RAPGEF4: variants seen among roughly 807,000 people sequenced by gnomAD.
The protein encoded by RAPGEF4 is Rap guanine nucleotide exchange factor 4.
RAPGEF4 carries 66 observed loss-of-function variants against 147.9 expected under a neutral mutation model. The ratio of observed to expected loss-of-function variants is 0.45; its 90% CI spans 0.37 to 0.55. RAPGEF4 has a LOEUF of 0.55. RAPGEF4 is among the 20% of genes least tolerant of loss of function. The pLI, the probability that RAPGEF4 is intolerant of heterozygous loss-of-function variation, is 0.00. For synonymous variants in RAPGEF4, 419 were observed against 442.7 expected (o/e 0.95, Z 0.67); for missense variants, 1,071 against 1,257.3 (o/e 0.85, Z 2.24).
chr2:172,749,316 C>G (rs1331711346), intron 1 of RAPGEF4, among the ~76,000 whole-genome samples: 2 of 152,244 alleles, frequency 1.3e-5, no homozygotes, highest in Non-Finnish European at 2.9e-5. Context: ...CCTGGACATC[C>G]AGTTCCATAC....
At chr2:172,929,158 C>T (rs2150081427) in intron 6 of RAPGEF4, among the ~76,000 whole-genome samples, 1 of 152,262 alleles carries the variant, frequency 6.6e-6, no homozygotes, top group South Asian at 2.1e-4. Context: ...TTTTGAGAAA[C>T]TGAGAACAAA....
chr2:172,911,229 C>G (rs1458994638), intron 4 of RAPGEF4, among the ~76,000 whole-genome samples: 2 of 152,190 alleles, frequency 1.3e-5, no homozygotes, highest in Non-Finnish European at 2.9e-5. Context: ...TCTTCTCAAT[C>G]TCAGACCTAT....
chr2:172,859,065 T>A (rs980106598), intron 4 of RAPGEF4, among the ~76,000 whole-genome samples: 5 of 152,166 alleles, frequency 3.3e-5, no homozygotes, highest in African/African-American at 1.2e-4. Flanking sequence ...TACATGAAAA[T>A]GGGTGTGTTA....
intron 17 of RAPGEF4, among the ~76,000 whole-genome samples, chr2:173,003,766 AC>A: frequency 6.6e-6 from 1 of 152,074 alleles, no homozygotes; most frequent in East Asian, 1.9e-4. Context: ...TGATTCTGTA[AC>A]CTTTAATTAG....
intron 4 of RAPGEF4, among the ~76,000 whole-genome samples, chr2:172,836,679 T>C (rs1377826950): frequency 6.6e-6 from 1 of 152,178 alleles, no homozygotes; most frequent in African/African-American, 2.4e-5. Context: ...TTGTAAGGCA[T>C]GTGTAACAAA....
At chr2:172,995,259 G>C (rs1216426080) in intron 15 of RAPGEF4, among the ~76,000 whole-genome samples, 1 of 151,080 alleles carries the variant, frequency 6.6e-6, no homozygotes, top group Non-Finnish European at 1.5e-5. Context: ...GTGTGTGTGT[G>C]TGTGTGTGTG....
At chr2:172,812,558 C>G (rs1179013331) in intron 3 of RAPGEF4, among the ~76,000 whole-genome samples, 1 of 152,078 alleles carries the variant, frequency 6.6e-6, no homozygotes, top group Admixed American at 6.6e-5. Flanking sequence ...ACAAACTACT[C>G]GTGTCAGGGA....
chr2:172,870,823 G>T (rs562497267), intron 4 of RAPGEF4, among the ~76,000 whole-genome samples: 1 of 152,086 alleles, frequency 6.6e-6, no homozygotes, highest in African/African-American at 2.4e-5. Flanking sequence ...ATGCAGAGAC[G>T]TATAACTAAA....
chr2:172,845,872 A>G (rs1425032041), intron 4 of RAPGEF4, among the ~76,000 whole-genome samples: 2 of 152,126 alleles, frequency 1.3e-5, no homozygotes, highest in Admixed American at 1.3e-4. Context: ...GTCCCTGCCA[A>G]TTCATCTGGT....
At chr2:172,755,082 A>C (rs1695643509) in intron 1 of RAPGEF4, among the ~76,000 whole-genome samples, 1 of 152,060 alleles carries the variant, frequency 6.6e-6, no homozygotes, top group South Asian at 2.1e-4. Flanking sequence ...CACCATAAAG[A>C]CAAAATGATA....
intron 1 of RAPGEF4, among the ~76,000 whole-genome samples, chr2:172,783,243 C>T (rs529165303): frequency 9.9e-5 from 15 of 152,178 alleles, no homozygotes; most frequent in East Asian, 9.7e-4. Flanking sequence ...ACAGAGTGGT[C>T]GGGGAGGTGG....
At chr2:172,774,625 C>G (rs865921078) in intron 1 of RAPGEF4, among the ~76,000 whole-genome samples, 2 of 152,296 alleles carry the variant, frequency 1.3e-5, no homozygotes, top group Admixed American at 6.5e-5. Flanking sequence ...CTCTATGAAG[C>G]CTTCTCTACT....
chr2:172,803,972 G>A (rs543862747), intron 3 of RAPGEF4, among the ~76,000 whole-genome samples: 84 of 152,294 alleles, frequency 5.5e-4, no homozygotes, highest in Middle Eastern at 3.4e-3. Flanking sequence ...CATGAGAACA[G>A]TGCAGAAAAG....
chr2:172,967,366 A>G lies in RAPGEF4; in HGVS notation c.926A>G (p.Asp309Gly). The G allele has an allele frequency of 3.1e-6, 5 of 1,612,088 alleles. No individual in the cohort carries two copies. The part of the protein sequence containing the change: ...LPTEEEKKEC[D>G]EELQDTMLLL... ...ACTGAGGAGGAGAAGAAGGAGTGTG[A>G]TGAGGAGCTCCAGGACACCATGCTG... The change falls in exon 10 of 31, where the codon GAT becomes GGT. Residue 309 changes from aspartate (D) to glycine (G), a missense_variant. Coordinates refer to ENST00000397081, the MANE Select transcript of RAPGEF4 (RefSeq NM_007023.4).
chr2:172,920,048 A>G (rs1167529869), intron 5 of RAPGEF4, among the ~76,000 whole-genome samples: 4 of 152,152 alleles, frequency 2.6e-5, no homozygotes, highest in East Asian at 1.9e-4. Flanking sequence ...GGTCTAGTCT[A>G]GGCCTGATTT....
chr2:172,950,403 G>T (rs573599037), intron 6 of RAPGEF4, among the ~76,000 whole-genome samples: 1 of 152,058 alleles, frequency 6.6e-6, no homozygotes, highest in East Asian at 1.9e-4. Context: ...CTGAAATCAC[G>T]CTATTGAGAT....
intron 4 of RAPGEF4, among the ~76,000 whole-genome samples, chr2:172,857,791 A>G (rs1380524411): frequency 6.6e-6 from 1 of 151,498 alleles, no homozygotes; most frequent in East Asian, 2.0e-4. Flanking sequence ...GAGGTGGCGA[A>G]GATCACTTGA....
At chr2:172,923,046 A>G (rs574482250) in intron 6 of RAPGEF4, among the ~76,000 whole-genome samples, 9 of 152,310 alleles carry the variant, frequency 5.9e-5, no homozygotes, top group South Asian at 2.1e-4. Flanking sequence ...CCAAGTGGCA[A>G]CGTTACAGGA....
At chr2:172,833,926 T>C (rs979107234) in intron 4 of RAPGEF4, among the ~76,000 whole-genome samples, 5 of 152,236 alleles carry the variant, frequency 3.3e-5, no homozygotes. Flanking sequence ...CTGCTTCTCC[T>C]GGAAATTATT....
Sources: gnomAD v4.1 joint callset for allele counts (sites outside exome capture counted in the v4.1 genomes callset) on GRCh38, gnomAD v4.1.1 for gene constraint, MANE v1.5 for transcripts, NCBI Gene and HGNC (gene_info 2026-07-23, HGNC 2026-07-21) for gene names.